ATP10B: variants seen among roughly 807,000 people sequenced by gnomAD.
The protein encoded by ATP10B is phospholipid-transporting ATPase VB.
Under a neutral mutation model 141.2 loss-of-function variants are expected in ATP10B, and 122 were observed. The observed-to-expected ratio is 0.86, with a 90% CI of 0.75 to 1.00. The LOEUF (loss-of-function observed/expected upper bound fraction) is 1.00, where lower values mean the gene tolerates loss of function less well. Among genes scored for constraint, ATP10B ranks in the 50% least tolerant of loss-of-function variants. ATP10B has a pLI of 0.00. For synonymous variants in ATP10B, 685 were observed against 692.0 expected (o/e 0.99, Z 0.16); for missense variants, 1,876 against 1,825.3 (o/e 1.03, Z -0.51).
intron 9 of ATP10B, among the ~76,000 whole-genome samples, chr5:160,641,589 T>C (rs1375938690): frequency 6.6e-6 from 1 of 152,190 alleles, no homozygotes; most frequent in Non-Finnish European, 1.5e-5. Flanking sequence ...AAGATTCAGA[T>C]TGCCAGTGTA....
intron 10 of ATP10B, among the ~76,000 whole-genome samples, chr5:160,636,701 T>TAG (rs1759404902): frequency 6.6e-6 from 1 of 152,108 alleles, no homozygotes; most frequent in Admixed American, 6.6e-5. Context: ...AGTCTTCCCC[T>TAG]TCTTATCCCA....
intron 1 of ATP10B, among the ~76,000 whole-genome samples, chr5:160,809,639 C>A (rs1773014625): frequency 6.6e-6 from 1 of 152,116 alleles, no homozygotes; most frequent in East Asian, 1.9e-4. Context: ...GAAACTTATT[C>A]CTCCTGTCTA....
At position 160,846,342 on chromosome 5, in the gene ATP10B, C is replaced by A. The variant is rs79736317; in HGVS notation, c.-576+5599G>T. 6.0e-3 allele frequency among the ~76,000 whole-genome samples: 913 copies of A among 152,206 alleles called. 13 individuals are homozygous for A. The highest frequency in any genetic ancestry group is 0.021 in the African/African-American group (869 of 41,536). On this transcript the variant is annotated intron_variant, in intron 1 of 25. Coordinates refer to ENST00000327245, the MANE Select transcript of ATP10B (RefSeq NM_025153.3). ...TATATGACAGGAACTATATACTAGT[C>A]ATTCATAACAGAACTAGATATTGGT...
intron 24 of ATP10B, among the ~76,000 whole-genome samples, chr5:160,570,346 G>A (rs1754798436): frequency 6.6e-6 from 1 of 151,790 alleles, no homozygotes; most frequent in Non-Finnish European, 1.5e-5. Context: ...ATACACAATC[G>A]GCTAATGTTA....
Position 160,801,522 on chromosome 5 carries a change from A to G in ATP10B, c.-575-15719T>C, listed in dbSNP as rs142784927. Among the ~76,000 whole-genome samples the G allele has an allele frequency of 1.2e-3, 188 of 152,346 alleles. 1 individual carries two copies. The highest frequency in any genetic ancestry group is 2.2e-3 in the Non-Finnish European group (150 of 68,028). The stretch of plus-strand genomic sequence containing the variant: ...TCTTTCCAATTAGAGGGCAAACTCC[A>G]TGAGGGAATGGATTGAATATGCTTT... On this transcript the variant is annotated intron_variant, in intron 1 of 25. Transcript: ENST00000327245.
At chr5:160,893,357 G>A in the ATP10B span, among the ~76,000 whole-genome samples, 2 of 152,106 alleles carry the variant, frequency 1.3e-5, no homozygotes, top group Non-Finnish European at 2.9e-5. Context: ...TGAGCTTGGT[G>A]GGGGGAGGGG....
intron 8 of ATP10B, among the ~76,000 whole-genome samples, chr5:160,644,472 C>T (rs1307403255): frequency 6.6e-6 from 1 of 152,056 alleles, no homozygotes; most frequent in Non-Finnish European, 1.5e-5. Flanking sequence ...GGGAATTGTC[C>T]ACCCTGAGAA....
Position 160,785,565 on chromosome 5 carries a change from G to T in ATP10B, c.-337C>A. On this transcript the variant is annotated 5_prime_UTR_variant, in exon 2 of 26. Transcript: ENST00000327245. ...CAAGAAGTAAAGATAGTACCTGATA[G>T]GTAGATTTCAAGTCTTGTTCCTCTT... is the stretch of plus-strand genomic sequence containing the variant. The T allele has an allele frequency of 1.4e-6, 1 of 739,464 alleles. No individual in the cohort carries two copies. The highest frequency in any genetic ancestry group is 2.1e-6 in the Non-Finnish European group (1 of 486,874). 45.8% of individuals were successfully genotyped at this position (739,464 alleles called of 1,614,324 possible).
chr5:160,721,743 T>C (rs889413115), intron 2 of ATP10B, among the ~76,000 whole-genome samples: 4 of 152,216 alleles, frequency 2.6e-5, no homozygotes, highest in African/African-American at 9.6e-5. Flanking sequence ...TTTGACTTTA[T>C]ATTCCCCGAT....
chr5:160,790,533 T>C lies in ATP10B; in HGVS notation c.-575-4730A>G, dbSNP rs1438521471. On this transcript the variant is annotated intron_variant, in intron 1 of 25. Coordinates refer to ENST00000327245, the MANE Select transcript of ATP10B (RefSeq NM_025153.3). The stretch of plus-strand genomic sequence containing the variant: ...ACTCCCAAGATATATGAGGTATCGC[T>C]CAAAGACACTGCTTTATTCCTGAGA... 2.6e-5 allele frequency among the ~76,000 whole-genome samples: 4 copies of C among 152,136 alleles called. No individual in the cohort carries two copies. In the East Asian group the frequency reaches 7.7e-4, roughly 29 times the overall value.
the ATP10B span, among the ~76,000 whole-genome samples, chr5:160,928,029 G>C: frequency 3.3e-5 from 5 of 152,188 alleles, no homozygotes; most frequent in Admixed American, 3.3e-4. Context: ...GCAACAGCCA[G>C]GGCTGCTGGC....
At chr5:160,876,296 A>C in the ATP10B span, among the ~76,000 whole-genome samples, 244 of 105,522 alleles carry the variant, frequency 2.3e-3, 2 homozygotes, top group African/African-American at 6.1e-3. Context: ...CTGGGTACAT[A>C]ACGAAATGAA....
chr5:160,678,922 T>C (rs947400698), intron 6 of ATP10B, among the ~76,000 whole-genome samples: 3 of 152,222 alleles, frequency 2.0e-5, no homozygotes, highest in Non-Finnish European at 4.4e-5. Context: ...TTACTCACCC[T>C]GTGGCATTGC....
At chr5:160,883,140 A>G in the ATP10B span, among the ~76,000 whole-genome samples, 14 of 152,226 alleles carry the variant, frequency 9.2e-5, no homozygotes, top group Non-Finnish European at 4.4e-5. Context: ...TTACTTACTA[A>G]ATACTCAGGA....
At chr5:160,864,686 T>G in the ATP10B span, among the ~76,000 whole-genome samples, 3 of 151,908 alleles carry the variant, frequency 2.0e-5, no homozygotes. Context: ...TAAAGACTTA[T>G]CCAAAAAGCT....
At chr5:160,887,095 G>A in the ATP10B span, among the ~76,000 whole-genome samples, 866 of 152,228 alleles carry the variant, frequency 5.7e-3, 10 homozygotes, top group African/African-American at 0.019. Context: ...AGCCAGGCAC[G>A]AATTTTCAAT....
At chr5:160,873,527 G>A in the ATP10B span, among the ~76,000 whole-genome samples, 1 of 152,224 alleles carries the variant, frequency 6.6e-6, no homozygotes, top group African/African-American at 2.4e-5. Flanking sequence ...AGGCTCTCGA[G>A]GAGCCAAGTT....
At chr5:160,640,688 G>GATAAA in intron 9 of ATP10B, 96 bp from the exon 10 acceptor site, 3 of 1,487,846 alleles carry the variant, frequency 2.0e-6, no homozygotes, top group Non-Finnish European at 2.7e-6. Flanking sequence ...TAAGATAAAA[G>GATAAA]AGAGGCTTCA....
intron 2 of ATP10B, among the ~76,000 whole-genome samples, chr5:160,757,628 T>A (rs980309932): frequency 2.0e-5 from 3 of 152,134 alleles, no homozygotes; most frequent in Non-Finnish European, 2.9e-5. Context: ...CTTCTGAGCC[T>A]TTTTTTAAAA....
Sources: allele counts gnomAD v4.1 joint callset (sites outside exome capture counted in the v4.1 genomes callset), GRCh38; gene constraint gnomAD v4.1.1; transcripts MANE v1.5; gene names NCBI Gene and HGNC (gene_info 2026-07-23, HGNC 2026-07-21).